Variants in GPNMB observed in about 807,000 individuals in gnomAD.
GPNMB encodes transmembrane glycoprotein NMB.
GPNMB carries 71 observed loss-of-function variants against 57.3 expected under a neutral mutation model. That is an observed-to-expected ratio of 1.24 (90% CI 1.02 to 1.51). GPNMB has a LOEUF of 1.51. GPNMB is among the 40% of genes most tolerant of loss of function. The probability of loss-of-function intolerance (pLI) is 0.00; values close to 1 mark genes in which losing one functional copy is unlikely to be tolerated. For missense variants in GPNMB, 677 were observed against 691.9 expected (o/e 0.98, Z 0.24); for synonymous variants, 253 against 263.2 (o/e 0.96, Z 0.38).
intron 3 of GPNMB, among the ~76,000 whole-genome samples, chr7:23,256,571 A>G (rs1281850581): frequency 1.3e-5 from 2 of 152,228 alleles, no homozygotes; most frequent in Non-Finnish European, 2.9e-5. Flanking sequence ...TCAAAATAAA[A>G]AGATAAAGTA....
chr7:23,247,405 C>G (rs563285061), intron 1 of GPNMB: 1 of 171,088 alleles, frequency 5.8e-6, no homozygotes, highest in Non-Finnish European at 1.3e-5. Flanking sequence ...CCTGCAGGAG[C>G]TTGCTGGGAG....
rs1327188403 is a variant in GPNMB at position 23,274,184 on chromosome 7, A to G, written c.1643A>G (p.Asp548Gly). 1 of 1,613,910 alleles carries G rather than the reference A, an allele frequency of 6.2e-7. No homozygotes were observed. The highest frequency in any genetic ancestry group is 8.5e-7 in the Non-Finnish European group (1 of 1,179,962). The change falls in exon 11 of 11, where the codon GAT becomes GGT. Residue 548 changes from aspartate to glycine, a missense_variant. By Grantham distance (94) the Asp-to-Gly change is moderately conservative. Transcript: ENST00000258733. Reference protein sequence around the residue: ...AVFFPGNQEKDPLLKNQEFKG... With the variant: ...AVFFPGNQEKGPLLKNQEFKG... ...TTCTTCCCGGGAAACCAGGAAAAGGATCCGCTACTCAAAAACCAAGAATTT... is the reference window on the plus strand; with the variant it reads ...TTCTTCCCGGGAAACCAGGAAAAGGGTCCGCTACTCAAAAACCAAGAATTT...
chr7:23,264,725 T>C (rs1448037663), intron 6 of GPNMB, among the ~76,000 whole-genome samples: 7 of 152,206 alleles, frequency 4.6e-5, no homozygotes, highest in Non-Finnish European at 1.0e-4. Context: ...TCACTGACTT[T>C]TATTATTTGG....
At chr7:23,248,051 G>A (rs1156295667) in intron 1 of GPNMB, 1 of 152,344 alleles carries the variant, frequency 6.6e-6, no homozygotes, top group African/African-American at 2.4e-5. Flanking sequence ...CGGGTTTGGG[G>A]TTGGACAGGC....
chr7:23,273,669 T>C, intron 10 of GPNMB, 55 bp downstream of exon 10: 1 of 1,108,126 alleles, frequency 9.0e-7, no homozygotes, highest in South Asian at 1.3e-5. Flanking sequence ...CAAAAGTGAA[T>C]ATATCTCTGT....
intron 8 of GPNMB, among the ~76,000 whole-genome samples, chr7:23,268,704 G>A (rs1342914929): frequency 6.6e-6 from 1 of 152,184 alleles, no homozygotes; most frequent in Non-Finnish European, 1.5e-5. Context: ...TGAAGATGTG[G>A]CCTTATTTGG....
intron 10 of GPNMB, 33 bp downstream of exon 10, chr7:23,273,647 A>G (rs1783266584): frequency 8.0e-7 from 1 of 1,256,726 alleles, no homozygotes. Flanking sequence ...TTATATCACT[A>G]TAGTGTATTG....
intron 4 of GPNMB, 173 bp downstream of exon 4, chr7:23,257,238 C>T: frequency 1.5e-6 from 1 of 656,244 alleles, no homozygotes; most frequent in South Asian, 1.8e-5. Flanking sequence ...CTTGGTTAAC[C>T]TTGCCAAATC....
At chr7:23,246,978 A>G (rs192220419) in intron 1 of GPNMB, 51 bp downstream of exon 1, 1 of 1,278,990 alleles carries the variant, frequency 7.8e-7, no homozygotes, top group East Asian at 2.3e-5. Flanking sequence ...CCATTGGCTG[A>G]AATGATGGCT....
chr7:23,266,817 T>A (rs1162366805), intron 7 of GPNMB, among the ~76,000 whole-genome samples: 1 of 152,222 alleles, frequency 6.6e-6, no homozygotes, highest in African/African-American at 2.4e-5. Context: ...TTCCACATCC[T>A]GGTGGAAACA....
In GPNMB at chr7:23,270,684, C is replaced by T. The variant is rs1269493500; in HGVS notation, c.1429+509C>T. On this transcript the variant is annotated intron_variant, in intron 9 of 10. Coordinates refer to ENST00000258733, the MANE Select transcript of GPNMB (RefSeq NM_002510.3). ...CTCTCTTTCCCTTCCCAAACTCTAC[C>T]GAGCATTACAGAACACAGTAAGAAA... Among the ~76,000 whole-genome samples the T allele has an allele frequency of 4.6e-5, 7 of 152,166 alleles. No individual in the cohort carries two copies. In the East Asian group the frequency reaches 7.7e-4, roughly 17 times the overall value.
chr7:23,271,886 T>G (rs1226321117), intron 9 of GPNMB, among the ~76,000 whole-genome samples: 1 of 152,226 alleles, frequency 6.6e-6, no homozygotes, highest in Non-Finnish European at 1.5e-5. Flanking sequence ...AGAAGAGATT[T>G]AATCCCATTA....
chr7:23,266,408 G>A (rs2128484317), intron 6 of GPNMB, 109 bp from the exon 7 acceptor site: 1 of 1,072,214 alleles, frequency 9.3e-7, no homozygotes, highest in South Asian at 1.5e-5. Flanking sequence ...TAGTGTTCCT[G>A]ATATTTTTCT....
chr7:23,252,875 A>G (rs1366367281), intron 1 of GPNMB, among the ~76,000 whole-genome samples: 1 of 152,220 alleles, frequency 6.6e-6, no homozygotes, highest in African/African-American at 2.4e-5. Flanking sequence ...ACTTCCTGGT[A>G]CTAGTACGTG....
Position 23,256,906 on chromosome 7 carries a change from G to A in GPNMB, c.382G>A (p.Ala128Thr), listed in dbSNP as rs367885589. ...KNCRNEAGLS[A>T]DPYVYNWTAW... is the part of the protein sequence containing the mutation. The stretch of plus-strand genomic sequence containing the variant: ...TCTCTGTTTAGAGGCTGGTTTATCT[G>A]CTGATCCGTATGTTTACAACTGGAC... Residue 128 changes from alanine (A) to threonine (T), a missense_variant, in exon 4 of 11, where the codon GCT becomes ACT. By Grantham distance (58) the Ala-to-Thr change is moderately conservative. Transcript: ENST00000258733. 1.4e-5 allele frequency: 22 copies of A among 1,613,934 alleles called. No homozygotes were observed. In the African/African-American group the frequency reaches 1.9e-4, roughly 14 times the overall value.
chr7:23,260,272 T>A, intron 5 of GPNMB, 134 bp downstream of exon 5: 1 of 1,048,120 alleles, frequency 9.5e-7, no homozygotes, highest in Non-Finnish European at 1.4e-6. Context: ...TGTATTTAAT[T>A]AGTTGTAGTT....
At chr7:23,267,845 T>C in intron 7 of GPNMB, 41 bp from the exon 8 acceptor site, 1 of 1,260,530 alleles carries the variant, frequency 7.9e-7, no homozygotes, top group Non-Finnish European at 1.2e-6. Flanking sequence ...TTGATTTCTG[T>C]TGTATTTTGA....
At chr7:23,250,627 A>G (rs965475840) in intron 1 of GPNMB, 3 of 151,954 alleles carry the variant, frequency 2.0e-5, no homozygotes, top group Non-Finnish European at 4.4e-5. Context: ...TCTCTCTTCT[A>G]TTCCATTGAC....
At chr7:23,262,834 G>A (rs1782960603) in intron 6 of GPNMB, among the ~76,000 whole-genome samples, 1 of 151,724 alleles carries the variant, frequency 6.6e-6, no homozygotes, top group Non-Finnish European at 1.5e-5. Flanking sequence ...TGCCCAGGCT[G>A]GTCTCCAACT....
Sources: gnomAD v4.1 joint callset for allele counts (sites outside exome capture counted in the v4.1 genomes callset) on GRCh38, gnomAD v4.1.1 for gene constraint, MANE v1.5 for transcripts, NCBI Gene and HGNC (gene_info 2026-07-23, HGNC 2026-07-21) for gene names.